HS6ST3: variants seen among roughly 807,000 people sequenced by gnomAD.
The protein encoded by HS6ST3 is heparan-sulfate 6-O-sulfotransferase 3.
A neutral mutation model predicts 36.7 loss-of-function variants in HS6ST3; 12 were observed. The observed-to-expected ratio is 0.33, with a 90% CI of 0.21 to 0.53. The LOEUF is 0.53. HS6ST3 is among the 20% of genes least tolerant of loss of function. The pLI is 0.95. For synonymous variants in HS6ST3, 240 were observed against 257.5 expected (o/e 0.93, Z 0.65); for missense variants, 584 against 640.9 (o/e 0.91, Z 0.96).
intron 1 of HS6ST3, among the ~76,000 whole-genome samples, chr13:96,206,033 G>A (rs1480356740): frequency 6.6e-6 from 1 of 152,018 alleles, no homozygotes; most frequent in East Asian, 1.9e-4. Flanking sequence ...ATCTTTTTTT[G>A]CAGATAACAT....
At chr13:96,416,784 G>A (rs995329549) in intron 1 of HS6ST3, among the ~76,000 whole-genome samples, 23 of 141,172 alleles carry the variant, frequency 1.6e-4, no homozygotes, top group Non-Finnish European at 2.3e-4. Context: ...ACGGAGTCTC[G>A]CTCTGTTGCC....
At chr13:96,708,311 A>G (rs1249512416) in intron 1 of HS6ST3, among the ~76,000 whole-genome samples, 1 of 152,246 alleles carries the variant, frequency 6.6e-6, no homozygotes, top group Non-Finnish European at 1.5e-5. Context: ...ACATGAGATC[A>G]TATGAAAATC....
At chr13:96,481,654 C>T (rs116181116) in intron 1 of HS6ST3, among the ~76,000 whole-genome samples, 1,936 of 151,996 alleles carry the variant, frequency 0.013, 39 homozygotes, top group African/African-American at 0.044. Context: ...CATGCAGTGC[C>T]GTCCTGCCCC....
At chr13:96,707,515 A>G (rs888639478) in intron 1 of HS6ST3, among the ~76,000 whole-genome samples, 3 of 152,236 alleles carry the variant, frequency 2.0e-5, no homozygotes, top group Non-Finnish European at 4.4e-5. Context: ...GTATCTCTAG[A>G]GGCGATGCCC....
chr13:96,192,413 A>G (rs1215862458), intron 1 of HS6ST3, among the ~76,000 whole-genome samples: 2 of 152,104 alleles, frequency 1.3e-5, no homozygotes, highest in Non-Finnish European at 2.9e-5. Flanking sequence ...CATTGTATCC[A>G]ATAGACGCTT....
chr13:96,264,241 C>T (rs2054680437), intron 1 of HS6ST3, among the ~76,000 whole-genome samples: 1 of 152,174 alleles, frequency 6.6e-6, no homozygotes, highest in African/African-American at 2.4e-5. Flanking sequence ...CCTCCCTGGA[C>T]TGGCTGTGCA....
intron 1 of HS6ST3, among the ~76,000 whole-genome samples, chr13:96,178,332 C>T (rs1281046069): frequency 6.6e-6 from 1 of 152,134 alleles, no homozygotes; most frequent in Non-Finnish European, 1.5e-5. Context: ...GGGCCTTCTT[C>T]TCTGTGATGA....
At chr13:96,748,907 A>G (rs929681100) in intron 1 of HS6ST3, among the ~76,000 whole-genome samples, 5 of 152,092 alleles carry the variant, frequency 3.3e-5, no homozygotes, top group East Asian at 1.9e-4. Context: ...TTGGCACTTG[A>G]TAACATCCTA....
intron 1 of HS6ST3, among the ~76,000 whole-genome samples, chr13:96,817,884 G>GC (rs1325109890): frequency 6.6e-6 from 1 of 152,012 alleles, no homozygotes; most frequent in Admixed American, 6.6e-5. Context: ...TAAGGGATGC[G>GC]CCCCCTCCCA....
chr13:96,539,850 C>T (rs997414344), intron 1 of HS6ST3, among the ~76,000 whole-genome samples: 6 of 152,278 alleles, frequency 3.9e-5, no homozygotes, highest in Admixed American at 3.9e-4. Flanking sequence ...GCTTGTTCTA[C>T]CAGTTCCCTG....
intron 1 of HS6ST3, among the ~76,000 whole-genome samples, chr13:96,560,810 A>G (rs1057329517): frequency 3.3e-5 from 5 of 152,200 alleles, no homozygotes; most frequent in African/African-American, 9.6e-5. Context: ...CTAGAAATAC[A>G]TCTAACCAAG....
intron 1 of HS6ST3, among the ~76,000 whole-genome samples, chr13:96,628,891 G>A (rs551905036): frequency 5.3e-5 from 8 of 151,956 alleles, no homozygotes; most frequent in Admixed American, 3.9e-4. Context: ...ACACATGAAC[G>A]AAATGTGAAT....
At chr13:96,415,982 C>T (rs1025173176) in intron 1 of HS6ST3, among the ~76,000 whole-genome samples, 2 of 152,028 alleles carry the variant, frequency 1.3e-5, no homozygotes, top group South Asian at 2.1e-4. Context: ...TGTTTTTCAT[C>T]GGTGGCAGTC....
intron 1 of HS6ST3, among the ~76,000 whole-genome samples, chr13:96,536,362 T>C (rs2056155371): frequency 6.6e-6 from 1 of 152,226 alleles, no homozygotes; most frequent in Non-Finnish European, 1.5e-5. Flanking sequence ...AATCACTTAA[T>C]AGCCTCTGGC....
intron 1 of HS6ST3, among the ~76,000 whole-genome samples, chr13:96,351,189 C>T (rs2055180959): frequency 6.6e-6 from 1 of 152,000 alleles, no homozygotes; most frequent in Non-Finnish European, 1.5e-5. Flanking sequence ...CCATCTCTTA[C>T]ATTTTTAGTC....
intron 1 of HS6ST3, among the ~76,000 whole-genome samples, chr13:96,447,646 C>A (rs773990710): frequency 1.1e-4 from 17 of 152,132 alleles, no homozygotes; most frequent in East Asian, 1.9e-4. Flanking sequence ...CATCATGGTG[C>A]CCTGCATTTC....
chr13:96,132,618 C>G (rs1371349738), intron 1 of HS6ST3, among the ~76,000 whole-genome samples: 1 of 152,058 alleles, frequency 6.6e-6, no homozygotes, highest in Non-Finnish European at 1.5e-5. Flanking sequence ...GTTGCCCAGG[C>G]TGGTCTTGAA....
rs927598235 is a variant in HS6ST3 at position 96,690,825 on chromosome 13, A to G, written c.708-141665A>G. On this transcript the variant is annotated intron_variant, in intron 1 of 1. Coordinates refer to ENST00000376705, the MANE Select transcript of HS6ST3 (RefSeq NM_153456.4). Reference sequence around the variant, plus strand: ...TAGTAGATATAAGGAAATAATCTGAATATGACTTATTCTTCTCATTGTCAC... The same window carrying G: ...TAGTAGATATAAGGAAATAATCTGAGTATGACTTATTCTTCTCATTGTCAC... Among the ~76,000 whole-genome samples, 4 of 4,452 alleles carry G rather than the reference A, an allele frequency of 9.0e-4. No individual in the cohort carries two copies. The Non-Finnish European group carries it at 0.033, about 37-fold the overall frequency. 2.9% of individuals were successfully genotyped at this position (4,452 alleles called of 152,430 possible). A position where few individuals can be genotyped will look rare whatever the true frequency, so the allele number is the denominator to read the frequency against.
chr13:96,180,239 CA>C (rs2054233413), intron 1 of HS6ST3, among the ~76,000 whole-genome samples: 1 of 152,168 alleles, frequency 6.6e-6, no homozygotes, highest in Non-Finnish European at 1.5e-5. Flanking sequence ...GTGCATTAGT[CA>C]GGGGCTCTAA....
Sources: allele counts gnomAD v4.1 joint callset (sites outside exome capture counted in the v4.1 genomes callset), GRCh38; gene constraint gnomAD v4.1.1; transcripts MANE v1.5; gene names NCBI Gene and HGNC (gene_info 2026-07-23, HGNC 2026-07-21).